Variants in IARS1 observed in about 807,000 individuals in gnomAD.
IARS1 encodes the protein isoleucyl-tRNA synthetase 1.
Under a neutral mutation model 168.2 loss-of-function variants are expected in IARS1, and 124 were observed. That is an observed-to-expected ratio of 0.74 (90% confidence interval 0.64 to 0.86). The LOEUF is 0.86. Ranked by LOEUF, IARS1 falls within the 40% of genes least tolerant of loss-of-function variation. IARS1 has a pLI of 0.00. For synonymous variants in IARS1, 532 were observed against 529.4 expected (o/e 1.00, Z -0.07); for missense variants, 1,452 against 1,515.8 (o/e 0.96, Z 0.70).
intron 33 of IARS1, among the ~76,000 whole-genome samples, chr9:92,211,835 G>A (rs984916974): frequency 2.0e-5 from 3 of 152,130 alleles, no homozygotes; most frequent in Non-Finnish European, 4.4e-5. Context: ...ATGTTGCTAC[G>A]TGAGAAAGCA....
At chr9:92,268,670 C>T (rs373470833) in intron 13 of IARS1, among the ~76,000 whole-genome samples, 21 of 152,330 alleles carry the variant, frequency 1.4e-4, no homozygotes, top group East Asian at 5.8e-4. Flanking sequence ...TAAGCAAAGG[C>T]CAACAGGCCA....
intron 31 of IARS1, among the ~76,000 whole-genome samples, chr9:92,227,443 C>T (rs1322493735): frequency 2.1e-5 from 3 of 145,762 alleles, no homozygotes; most frequent in African/African-American, 5.1e-5. Context: ...GGCTGACCCC[C>T]CCACCTCCCT....
At chr9:92,289,947 C>G (rs931240155) in intron 1 of IARS1, among the ~76,000 whole-genome samples, 1 of 152,146 alleles carries the variant, frequency 6.6e-6, no homozygotes, top group Non-Finnish European at 1.5e-5. Context: ...TTTTGTTTAT[C>G]CATTCATCAT....
Position 92,210,653 on chromosome 9 carries a change from T to A in IARS1, c.*154A>T. 1 of 585,298 alleles carries A rather than the reference T, an allele frequency of 1.7e-6. No individual in the cohort carries two copies. Among genetic ancestry groups the A allele is most frequent in the South Asian group, 2.3e-5 (1 of 42,962 alleles). 36.3% of individuals were successfully genotyped at this position (585,298 alleles called of 1,614,324 possible). A position where few individuals can be genotyped will look rare whatever the true frequency, so the allele number is the denominator to read the frequency against. On this transcript the variant is annotated 3_prime_UTR_variant, in exon 34 of 34. Transcript: ENST00000443024. ...GTGAGGTCTCAAGTTACTTGACTAA[T>A]CAATCCCATTTGAATTTCAATCCAA...
In IARS1 at chr9:92,286,597, G is replaced by A. The variant is rs1835503501; in HGVS notation, c.418C>T (p.Arg140Ter). Residue 140 changes from arginine (R) to a stop codon, truncating the protein, a stop_gained, in exon 5 of 34, where the codon CGA becomes TGA. Transcript: ENST00000443024. LOFTEE classifies it high-confidence loss of function. Reference sequence around the variant, plus strand: ...TAGTCATTGTCAAAGTCAATCCATCGGCCAAGTCTGCTAACAGTAGACTTT... The same window carrying A: ...TAGTCATTGTCAAAGTCAATCCATCAGCCAAGTCTGCTAACAGTAGACTTT... ...EWKSTVSRLG[R>*]WIDFDNDYKT... 6.3e-7 allele frequency: 1 copy of A among 1,586,666 alleles called. No homozygotes were observed. The highest frequency in any genetic ancestry group is 1.7e-5 in the Admixed American group (1 of 59,884).
chr9:92,268,023 T>C (rs1434301163), intron 14 of IARS1, 151 bp downstream of exon 14: 2 of 806,616 alleles, frequency 2.5e-6, no homozygotes, highest in Admixed American at 3.0e-5. Flanking sequence ...GATTATCTTA[T>C]GTCATGATTC....
intron 7 of IARS1, among the ~76,000 whole-genome samples, chr9:92,278,747 T>A (rs1834108425): frequency 6.6e-6 from 1 of 152,248 alleles, no homozygotes; most frequent in Non-Finnish European, 1.5e-5. Context: ...GGTAATATTC[T>A]ATCTGATTTT....
At chr9:92,293,436 A>G (rs763015923) in intron 1 of IARS1, 175 bp downstream of exon 1, 2 of 532,726 alleles carry the variant, frequency 3.8e-6, no homozygotes, top group Admixed American at 3.9e-5. Flanking sequence ...CATTTCAAAC[A>G]CTACCTCATT....
rs573588440 is a variant in IARS1, at chr9:92,245,877, C to T, written c.2792-806G>A. Among the ~76,000 whole-genome samples the T allele has an allele frequency of 4.3e-4, 66 of 152,152 alleles. No homozygotes were observed. The South Asian group carries it at 0.013, about 31-fold the overall frequency. On this transcript the variant is annotated intron_variant, in intron 26 of 33. Transcript: ENST00000443024. ...TGCCTCCTGGGTTCACGCCATTCCC[C>T]GGCCTCAGTCTCCTGAGTAGCTGGA...
chr9:92,266,531 T>A (rs960753905), intron 14 of IARS1, among the ~76,000 whole-genome samples: 1 of 152,228 alleles, frequency 6.6e-6, no homozygotes, highest in Non-Finnish European at 1.5e-5. Flanking sequence ...CTAGTTTTCA[T>A]ATGGTTTGTC....
At chr9:92,241,305 G>A (rs767375075) in intron 29 of IARS1, among the ~76,000 whole-genome samples, 27 of 152,078 alleles carry the variant, frequency 1.8e-4, no homozygotes, top group Non-Finnish European at 2.5e-4. Flanking sequence ...GAATGAGACC[G>A]GAGCAAATGA....
chr9:92,225,665 G>A (rs1825564438), intron 31 of IARS1, among the ~76,000 whole-genome samples: 1 of 151,902 alleles, frequency 6.6e-6, no homozygotes, highest in Non-Finnish European at 1.5e-5. Context: ...TCACAATGGG[G>A]TGAACTATGG....
chr9:92,217,544 A>C (rs868552776), intron 33 of IARS1, among the ~76,000 whole-genome samples: 1 of 148,994 alleles, frequency 6.7e-6, no homozygotes, highest in African/African-American at 2.5e-5. Context: ...AATAAAGAAA[A>C]AAAGAGAGCA....
At chr9:92,270,514 A>T (rs986089116) in intron 12 of IARS1, among the ~76,000 whole-genome samples, 1 of 152,138 alleles carries the variant, frequency 6.6e-6, no homozygotes, top group African/African-American at 2.4e-5. Flanking sequence ...ACTCTCCTAG[A>T]CCAGGCGCTG....
In IARS1 at chr9:92,244,950, GA is replaced by G; in HGVS notation, c.2904+8del. ...TGGTAAAGAAATGTTCTAGGAAACA[GA>G]AAAATACCTGAGCATCTGAGTGTGC... is the stretch of plus-strand genomic sequence containing the variant. On this transcript the variant is annotated splice_region_variant and intron_variant, in intron 27 of 33. Transcript: ENST00000443024. 1 of 1,609,404 alleles carries G rather than the reference GA, an allele frequency of 6.2e-7. No homozygotes were observed. The highest frequency in any genetic ancestry group is 8.5e-7 in the Non-Finnish European group (1 of 1,175,786).
intron 33 of IARS1, among the ~76,000 whole-genome samples, chr9:92,213,575 T>C (rs992547896): frequency 6.6e-6 from 1 of 152,152 alleles, no homozygotes; most frequent in Admixed American, 6.5e-5. Flanking sequence ...AGAAGAAGTA[T>C]ATAAGGAATT....
Position 92,247,597 on chromosome 9 carries a change from T to G in IARS1, c.2617-46A>C, listed in dbSNP as rs765891498. On this transcript the variant is annotated intron_variant, in intron 25 of 33. Coordinates refer to ENST00000443024, the MANE Select transcript of IARS1 (RefSeq NM_002161.6). ...GAAACAAAAATGAGAAATGAAAACATATGTTCACACAAAAATGTAGGTCCA... is the reference window on the plus strand; with the variant it reads ...GAAACAAAAATGAGAAATGAAAACAGATGTTCACACAAAAATGTAGGTCCA... 3.2e-6 allele frequency: 5 copies of G among 1,556,966 alleles called. No individual in the cohort carries two copies. In the South Asian group the frequency reaches 4.6e-5, roughly 14 times the overall value.
chr9:92,264,888 AAAATC>A, intron 16 of IARS1, 36 bp downstream of exon 16: 1 of 1,538,592 alleles, frequency 6.5e-7, no homozygotes, highest in Non-Finnish European at 8.9e-7. Context: ...TAAATAAAAT[AAAATC>A]AATAAAACAC....
intron 5 of IARS1, 39 bp from the exon 6 acceptor site, chr9:92,285,878 T>A (rs544028296): frequency 4.3e-6 from 5 of 1,163,480 alleles, no homozygotes; most frequent in Admixed American, 1.9e-5. Context: ...AGAACAAAAT[T>A]CTATTTCTGA....
Sources: gnomAD v4.1 joint callset for allele counts (sites outside exome capture counted in the v4.1 genomes callset) on GRCh38, gnomAD v4.1.1 for gene constraint, MANE v1.5 for transcripts, NCBI Gene and HGNC (gene_info 2026-07-23, HGNC 2026-07-21) for gene names.